COMMD1: variants seen among roughly 807,000 people sequenced by gnomAD.
COMMD1 encodes COMM domain-containing protein 1.
In COMMD1, 10 loss-of-function variants were observed where a neutral mutation model predicts 17.2. The observed-to-expected ratio is 0.58, with a 90% CI of 0.36 to 0.99. COMMD1 has a LOEUF of 0.99. COMMD1 is among the 50% of genes least tolerant of loss of function. The pLI is 0.01. For missense variants in COMMD1, 270 were observed against 231.8 expected, an observed-to-expected ratio of 1.17 and a Z score of -1.07; for synonymous variants, 97 against 91.6, an observed-to-expected ratio of 1.06 and a Z score of -0.34.
At chr2:61,997,432 T>G (rs917821180) in intron 1 of COMMD1, among the ~76,000 whole-genome samples, 1 of 152,058 alleles carries the variant, frequency 6.6e-6, no homozygotes, top group African/African-American at 2.4e-5. Flanking sequence ...GTCTGCAGAA[T>G]GAATGCTGTG....
intron 2 of COMMD1, among the ~76,000 whole-genome samples, chr2:62,006,964 G>A (rs901965732): frequency 6.6e-6 from 1 of 152,038 alleles, no homozygotes. Flanking sequence ...TTTCTTTTAT[G>A]ACTTCTTGTC....
intron 1 of COMMD1, among the ~76,000 whole-genome samples, chr2:61,930,789 G>A (rs772053590): frequency 2.4e-4 from 37 of 151,792 alleles, no homozygotes; most frequent in Non-Finnish European, 4.4e-4. Context: ...TGGAATTGAA[G>A]CTGAGGCAAC....
intron 2 of COMMD1, among the ~76,000 whole-genome samples, chr2:62,027,068 A>G (rs1385076869): frequency 2.0e-5 from 3 of 152,166 alleles, no homozygotes; most frequent in African/African-American, 4.8e-5. Context: ...TCTTAGTACT[A>G]TTGAGATATC....
intron 2 of COMMD1, among the ~76,000 whole-genome samples, chr2:62,046,815 A>G (rs1021115095): frequency 6.6e-6 from 1 of 152,222 alleles, no homozygotes; most frequent in African/African-American, 2.4e-5. Context: ...TAGCTACAGC[A>G]TTGGAGTAGG....
intron 1 of COMMD1, among the ~76,000 whole-genome samples, chr2:61,934,121 A>G (rs141669023): frequency 9.9e-4 from 151 of 152,250 alleles, no homozygotes; most frequent in African/African-American, 3.4e-3. Context: ...CCAGAACTAT[A>G]TATGTTTAAA....
At chr2:61,897,504 T>C (rs986608996) in intron 1 of COMMD1, among the ~76,000 whole-genome samples, 2 of 152,344 alleles carry the variant, frequency 1.3e-5, no homozygotes, top group South Asian at 2.1e-4. Flanking sequence ...TTGGCATTAC[T>C]TGGGAGGCCG....
chr2:61,988,436 G>A (rs1396811575), intron 1 of COMMD1, among the ~76,000 whole-genome samples: 1 of 152,124 alleles, frequency 6.6e-6, no homozygotes, highest in Non-Finnish European at 1.5e-5. Flanking sequence ...TCTGGCCCAG[G>A]GTTTGTCTAG....
chr2:62,080,467 C>G (rs1246887359), intron 2 of COMMD1, among the ~76,000 whole-genome samples: 1 of 152,012 alleles, frequency 6.6e-6, no homozygotes, highest in African/African-American at 2.4e-5. Context: ...ACATTTGGGC[C>G]ATGTTGTGGT....
chr2:61,992,285 A>G (rs528133411), intron 1 of COMMD1, among the ~76,000 whole-genome samples: 1 of 152,232 alleles, frequency 6.6e-6, no homozygotes, highest in East Asian at 1.9e-4. Flanking sequence ...TACAAGTTGT[A>G]TTAATTGCAT....
chr2:61,999,985 G>A (rs1309355834), intron 1 of COMMD1, among the ~76,000 whole-genome samples: 1 of 146,408 alleles, frequency 6.8e-6, no homozygotes, highest in African/African-American at 2.6e-5. Context: ...GTATAGTGGT[G>A]TGATCTGAGC....
intron 2 of COMMD1, among the ~76,000 whole-genome samples, chr2:62,069,102 AT>A (rs1671132642): frequency 6.6e-6 from 1 of 152,140 alleles, no homozygotes; most frequent in Non-Finnish European, 1.5e-5. Flanking sequence ...AAAGGCAGAT[AT>A]TTTATATTCT....
Position 62,063,868 on chromosome 2 carries a change from A to AATATATATATATATATATATATATATAT in COMMD1, c.462+62889_462+62916dup, listed in dbSNP as rs55740628. Among the ~76,000 whole-genome samples, 444 of 80,960 alleles carry AATATATATATATATATATATATATATAT rather than the reference A, an allele frequency of 5.5e-3. 14 individuals carry two copies. The highest frequency in any genetic ancestry group is 0.013 in the Middle Eastern group (2 of 154). The allele number at this position is 80,960 out of a possible 152,430, so 53.1% of individuals were successfully genotyped here. ...CAACATAGTGACACTGTCTCTACAA[A>AATATATATATATATATATATATATATAT]ATATATATATATATATATATATATA... On this transcript the variant is annotated intron_variant, in intron 2 of 2. Transcript: ENST00000311832.
chr2:61,938,589 T>G (rs960935991), intron 1 of COMMD1, among the ~76,000 whole-genome samples: 2 of 152,182 alleles, frequency 1.3e-5, no homozygotes, highest in Admixed American at 6.5e-5. Flanking sequence ...TAAGGCCTTT[T>G]CAGATAAACT....
chr2:62,021,017 A>C (rs939546683), intron 2 of COMMD1, among the ~76,000 whole-genome samples: 3 of 152,062 alleles, frequency 2.0e-5, no homozygotes, highest in African/African-American at 4.8e-5. Flanking sequence ...AAAAAAAAAA[A>C]ACTCTACTCT....
chr2:62,084,230 CA>C (rs1293106767), intron 2 of COMMD1, among the ~76,000 whole-genome samples: 1 of 152,092 alleles, frequency 6.6e-6, no homozygotes, highest in African/African-American at 2.4e-5. Flanking sequence ...CCAGCATAGT[CA>C]AAAATCTACA....
At chr2:61,979,721 T>TA (rs1671905195) in intron 1 of COMMD1, among the ~76,000 whole-genome samples, 1 of 151,964 alleles carries the variant, frequency 6.6e-6, no homozygotes, top group African/African-American at 2.4e-5. Flanking sequence ...CAGAATTTGT[T>TA]ATTGCCTGTC....
At chr2:62,071,658 T>C (rs1351358219) in intron 2 of COMMD1, among the ~76,000 whole-genome samples, 1 of 152,104 alleles carries the variant, frequency 6.6e-6, no homozygotes, top group African/African-American at 2.4e-5. Context: ...AAAAAATAAT[T>C]ATAAAAATAA....
chr2:61,917,533 CT>C lies in COMMD1; in HGVS notation c.180+11687del, dbSNP rs568257104. 9.6e-3 allele frequency among the ~76,000 whole-genome samples: 1,411 copies of C among 146,648 alleles called. 6 individuals are homozygous for C. The highest frequency in any genetic ancestry group is 0.019 in the South Asian group (90 of 4,638). On this transcript the variant is annotated intron_variant, in intron 1 of 2. Transcript: ENST00000311832. ...AATTTAAGAAGAAACTTCGCTCATA[CT>C]TTTTTTTTTTTGAGACGGAGTCTCG...
chr2:62,059,531 A>T (rs1299385532), intron 2 of COMMD1, among the ~76,000 whole-genome samples: 1 of 152,076 alleles, frequency 6.6e-6, no homozygotes, highest in Non-Finnish European at 1.5e-5. Context: ...AAAATAATAT[A>T]GCCTCTCCCC....
Sources: allele counts gnomAD v4.1 joint callset (sites outside exome capture counted in the v4.1 genomes callset), GRCh38; gene constraint gnomAD v4.1.1; transcripts MANE v1.5; gene names NCBI Gene and HGNC (gene_info 2026-07-23, HGNC 2026-07-21).